Variants in ACTR2 observed in about 807,000 individuals in gnomAD.
The protein encoded by ACTR2 is actin-related protein 2.
ACTR2 carries 5 observed loss-of-function variants against 50.2 expected under a neutral mutation model. That is an observed-to-expected ratio of 0.10 (90% CI 0.05 to 0.21). The LOEUF (loss-of-function observed/expected upper bound fraction) is 0.21, where lower values mean the gene tolerates loss of function less well. ACTR2 is among the 10% of genes least tolerant of loss of function. The pLI is 1.00. For synonymous variants in ACTR2, 140 were observed against 162.9 expected, an observed-to-expected ratio of 0.86 and a Z score of 1.07; for missense variants, 180 against 480.6, an observed-to-expected ratio of 0.37 and a Z score of 5.85.
Position 65,269,910 on chromosome 2 carries a change from C to A in ACTR2, c.*1176C>A, listed in dbSNP as rs1168479125. ...TGTTTAAAATGTTGGCCAAAAAAAT[C>A]AAGATTTAATTTTTTTATTTGTACT... On this transcript the variant is annotated 3_prime_UTR_variant, in exon 9 of 9. Coordinates refer to ENST00000260641, the MANE Select transcript of ACTR2 (RefSeq NM_005722.4). 2.6e-5 allele frequency: 4 copies of A among 152,062 alleles called. 1 individual carries two copies. The highest frequency in any genetic ancestry group is 2.6e-4 in the Admixed American group (4 of 15,280). The allele number at this position is 152,062 out of a possible 1,614,324, so 9.4% of individuals were successfully genotyped here.
intron 3 of ACTR2, among the ~76,000 whole-genome samples, chr2:65,249,456 C>T (rs1221143500): frequency 6.6e-6 from 1 of 152,156 alleles, no homozygotes; most frequent in Non-Finnish European, 1.5e-5. Context: ...CATGCTTTCA[C>T]ATTGGTATGT....
intron 6 of ACTR2, among the ~76,000 whole-genome samples, chr2:65,259,463 C>T (rs1487769605): frequency 6.6e-6 from 1 of 152,076 alleles, no homozygotes; most frequent in African/African-American, 2.4e-5. Context: ...CATGGTGGCT[C>T]ATGCCTGTAA....
At chr2:65,267,774 G>A (rs1028851749) in intron 8 of ACTR2, among the ~76,000 whole-genome samples, 5 of 147,634 alleles carry the variant, frequency 3.4e-5, no homozygotes, top group African/African-American at 1.3e-4. Context: ...AGTAAGCTTT[G>A]CTTAAAAGAA....
intron 1 of ACTR2, among the ~76,000 whole-genome samples, chr2:65,232,137 A>G (rs944129373): frequency 1.3e-5 from 2 of 152,218 alleles, no homozygotes; most frequent in Non-Finnish European, 2.9e-5. Flanking sequence ...TGGCCCAGAT[A>G]GGTGAAAATC....
intron 8 of ACTR2, among the ~76,000 whole-genome samples, chr2:65,267,988 T>C (rs1335663206): frequency 1.4e-5 from 2 of 142,860 alleles, no homozygotes; most frequent in Non-Finnish European, 3.0e-5. Flanking sequence ...AGGCACCCAC[T>C]ACCATGCCCG....
In ACTR2 at chr2:65,271,195, A is replaced by G. The variant is rs1036263919; in HGVS notation, c.*2461A>G. The G allele has an allele frequency of 6.6e-6, 1 of 152,196 alleles. No individual in the cohort carries two copies. The highest frequency in any genetic ancestry group is 2.4e-5 in the African/African-American group (1 of 41,466). 9.4% of individuals were successfully genotyped at this position (152,196 alleles called of 1,614,324 possible). On this transcript the variant is annotated 3_prime_UTR_variant, in exon 9 of 9. Coordinates refer to ENST00000260641, the MANE Select transcript of ACTR2 (RefSeq NM_005722.4). ...ATCAGTGGAAAGCTAAACAGTCTAA[A>G]TTAACATGAAATACTTCATTTTGAT... is the stretch of plus-strand genomic sequence containing the variant.
intron 1 of ACTR2, among the ~76,000 whole-genome samples, chr2:65,232,284 A>T (rs1035818666): frequency 5.9e-5 from 9 of 152,248 alleles, no homozygotes; most frequent in African/African-American, 2.2e-4. Context: ...AGGTTTCTCC[A>T]GTGCGTGCTA....
intron 2 of ACTR2, chr2:65,242,559 A>G (rs930781430): frequency 9.3e-6 from 4 of 431,274 alleles, no homozygotes; most frequent in Non-Finnish European, 1.8e-5. Context: ...ATATGTAAAT[A>G]AACCATAGAT....
chr2:65,259,922 G>A (rs1672233803), intron 6 of ACTR2, among the ~76,000 whole-genome samples: 1 of 152,160 alleles, frequency 6.6e-6, no homozygotes, highest in Admixed American at 6.5e-5. Context: ...AACATGATGT[G>A]TGACTGACAA....
intron 8 of ACTR2, among the ~76,000 whole-genome samples, chr2:65,266,779 G>GT (rs1307600951): frequency 6.6e-6 from 1 of 152,162 alleles, no homozygotes; most frequent in Non-Finnish European, 1.5e-5. Context: ...ATAGAGAAAT[G>GT]TAATAGGATT....
intron 1 of ACTR2, among the ~76,000 whole-genome samples, chr2:65,234,945 A>G (rs1426820328): frequency 6.6e-6 from 1 of 152,160 alleles, no homozygotes; most frequent in Non-Finnish European, 1.5e-5. Context: ...GGTAGGCATA[A>G]TAATTTAATA....
rs1672487171 is a variant in ACTR2, at chr2:65,271,129, C to G, written c.*2395C>G. On this transcript the variant is annotated 3_prime_UTR_variant, in exon 9 of 9. Transcript: ENST00000260641. Reference sequence around the variant, plus strand: ...ATGGTTTTGGTGGTTAACTTTTACACAGTTCTGAGTACTGTTAATATCTGG... The same window carrying G: ...ATGGTTTTGGTGGTTAACTTTTACAGAGTTCTGAGTACTGTTAATATCTGG... 6.6e-6 allele frequency: 1 copy of G among 152,128 alleles called. No individual in the cohort carries two copies. The highest frequency in any genetic ancestry group is 1.5e-5 in the Non-Finnish European group (1 of 68,022). The allele number at this position is 152,128 out of a possible 1,614,324, so 9.4% of individuals were successfully genotyped here.
At chr2:65,228,073 C>A in intron 1 of ACTR2, 116 bp downstream of exon 1, 1 of 984,520 alleles carries the variant, frequency 1.0e-6, no homozygotes, top group South Asian at 2.5e-5. Context: ...CGAAGGGGCG[C>A]GGGGCGGTGC....
At chr2:65,240,979 G>A (rs3771098) in intron 2 of ACTR2, among the ~76,000 whole-genome samples, 1 of 151,528 alleles carries the variant, frequency 6.6e-6, no homozygotes, top group Admixed American at 6.6e-5. Flanking sequence ...AAAAATACAA[G>A]CTGAAACTTG....
At chr2:65,235,214 T>C (rs1451720911) in intron 1 of ACTR2, among the ~76,000 whole-genome samples, 1 of 152,008 alleles carries the variant, frequency 6.6e-6, no homozygotes, top group East Asian at 1.9e-4. Context: ...TGTTATGTTT[T>C]AGTTTGAAAA....
chr2:65,259,493 C>T (rs1214960102), intron 6 of ACTR2, among the ~76,000 whole-genome samples: 2 of 152,056 alleles, frequency 1.3e-5, no homozygotes, highest in Admixed American at 6.6e-5. Flanking sequence ...TTTTGGGAGG[C>T]CAAGCCAGGC....
At chr2:65,237,214 A>G (rs1049046020) in intron 1 of ACTR2, among the ~76,000 whole-genome samples, 1 of 152,026 alleles carries the variant, frequency 6.6e-6, no homozygotes, top group South Asian at 2.1e-4. Flanking sequence ...CCACCCTGAA[A>G]TTTTTAATTG....
chr2:65,266,039 AT>A (rs1672366986), intron 8 of ACTR2, among the ~76,000 whole-genome samples: 1 of 152,192 alleles, frequency 6.6e-6, no homozygotes, highest in African/African-American at 2.4e-5. Context: ...TTCTGATTTT[AT>A]TGAGTTTTAC....
intron 3 of ACTR2, among the ~76,000 whole-genome samples, chr2:65,248,652 G>A (rs906980804): frequency 2.0e-5 from 3 of 152,080 alleles, no homozygotes; most frequent in South Asian, 2.1e-4. Flanking sequence ...TAAATGATAC[G>A]GTTCAACAAA....
Sources: gnomAD v4.1 joint callset for allele counts (sites outside exome capture counted in the v4.1 genomes callset) on GRCh38, gnomAD v4.1.1 for gene constraint, MANE v1.5 for transcripts, NCBI Gene and HGNC (gene_info 2026-07-23, HGNC 2026-07-21) for gene names.